The following GOLM2 variants were observed in gnomAD, a reference collection of about 807,000 sequenced individuals.
The protein encoded by GOLM2 is protein GOLM2.
GOLM2 carries 26 observed loss-of-function variants against 55.9 expected under a neutral mutation model. The ratio of observed to expected loss-of-function variants is 0.47; its 90% CI spans 0.34 to 0.65. GOLM2 has a LOEUF of 0.65. GOLM2 is among the 30% of genes least tolerant of loss of function. The probability of loss-of-function intolerance (pLI) is 0.01; values close to 1 mark genes in which losing one functional copy is unlikely to be tolerated. For missense variants in GOLM2, 486 were observed against 531.8 expected (o/e 0.91, Z 0.85); for synonymous variants, 165 against 194.6 (o/e 0.85, Z 1.27).
chr15:44,310,338 A>G (rs893266069), intron 1 of GOLM2, among the ~76,000 whole-genome samples: 37 of 151,912 alleles, frequency 2.4e-4, no homozygotes, highest in Non-Finnish European at 3.7e-4. Context: ...TCACAAGAGA[A>G]CCAACTAAAA....
intron 1 of GOLM2, among the ~76,000 whole-genome samples, chr15:44,298,130 A>C (rs888887618): frequency 6.6e-6 from 1 of 151,310 alleles, no homozygotes; most frequent in Non-Finnish European, 1.5e-5. Context: ...TGACCTCCCA[A>C]AGTGCTGGGA....
intron 6 of GOLM2, among the ~76,000 whole-genome samples, chr15:44,374,947 TC>T (rs1236690474): frequency 6.6e-6 from 1 of 152,310 alleles, no homozygotes. Context: ...TGTATATTTT[TC>T]CCCTGGCTCT....
At chr15:44,329,973 C>T (rs1471453650) in intron 3 of GOLM2, among the ~76,000 whole-genome samples, 16 of 147,720 alleles carry the variant, frequency 1.1e-4, no homozygotes, top group African/African-American at 3.2e-4. Flanking sequence ...TGCAGTGGCG[C>T]GATCTTGGCT....
At chr15:44,321,785 G>A (rs2078951603) in intron 1 of GOLM2, among the ~76,000 whole-genome samples, 1 of 152,252 alleles carries the variant, frequency 6.6e-6, no homozygotes, top group East Asian at 1.9e-4. Flanking sequence ...TGGCCATGGT[G>A]GTTCATGCAT....
At chr15:44,349,466 C>T (rs2079147254) in intron 6 of GOLM2, among the ~76,000 whole-genome samples, 1 of 151,972 alleles carries the variant, frequency 6.6e-6, no homozygotes, top group South Asian at 2.1e-4. Context: ...ATATATGCAC[C>T]CAGCATTGGA....
At chr15:44,292,865 A>G (rs2078730935) in intron 1 of GOLM2, among the ~76,000 whole-genome samples, 2 of 152,038 alleles carry the variant, frequency 1.3e-5, no homozygotes, top group Admixed American at 1.3e-4. Context: ...CCCAGGCTGG[A>G]GAGCAGTGGT....
At chr15:44,391,279 C>G (rs2141203219) in intron 8 of GOLM2, among the ~76,000 whole-genome samples, 1 of 152,124 alleles carries the variant, frequency 6.6e-6, no homozygotes, top group East Asian at 1.9e-4. Context: ...CTTTGGGAGG[C>G]TGAGGCGGGC....
At chr15:44,392,016 A>C (rs1201389565) in intron 8 of GOLM2, among the ~76,000 whole-genome samples, 1 of 151,708 alleles carries the variant, frequency 6.6e-6, no homozygotes, top group African/African-American at 2.4e-5. Flanking sequence ...ATGCCCTGCT[A>C]ATTTTGTATT....
intron 8 of GOLM2, among the ~76,000 whole-genome samples, chr15:44,393,906 T>G (rs1169543082): frequency 6.6e-6 from 1 of 152,156 alleles, no homozygotes; most frequent in East Asian, 1.9e-4. Flanking sequence ...TTGGCCAGGC[T>G]GGTCTCAAAC....
intron 6 of GOLM2, among the ~76,000 whole-genome samples, chr15:44,379,058 C>A (rs1338457953): frequency 6.6e-6 from 1 of 151,956 alleles, no homozygotes; most frequent in Non-Finnish European, 1.5e-5. Flanking sequence ...TTTATTAATT[C>A]ATCAAATCTT....
At chr15:44,290,276 G>A (rs939493618) in intron 1 of GOLM2, among the ~76,000 whole-genome samples, 3 of 152,166 alleles carry the variant, frequency 2.0e-5, no homozygotes, top group African/African-American at 7.2e-5. Flanking sequence ...GTATAGTAGA[G>A]TTATGAAAAT....
At chr15:44,301,555 G>T (rs1382751055) in intron 1 of GOLM2, among the ~76,000 whole-genome samples, 1 of 152,112 alleles carries the variant, frequency 6.6e-6, no homozygotes, top group Non-Finnish European at 1.5e-5. Flanking sequence ...TTGAGCAGGG[G>T]CTATGAGGGG....
chr15:44,344,780 A>ATTTTT (rs201124610), intron 6 of GOLM2, among the ~76,000 whole-genome samples: 1 of 141,250 alleles, frequency 7.1e-6, no homozygotes, highest in Non-Finnish European at 1.5e-5. Flanking sequence ...TATTTAATTA[A>ATTTTT]TTTTTTTTTT....
chr15:44,303,328 A>G (rs1020399611), intron 1 of GOLM2, among the ~76,000 whole-genome samples: 15 of 152,180 alleles, frequency 9.9e-5, no homozygotes, highest in African/African-American at 3.1e-4. Flanking sequence ...TCTGGAAGAC[A>G]TAACTAAAAT....
intron 4 of GOLM2, among the ~76,000 whole-genome samples, chr15:44,333,175 G>A (rs1222097135): frequency 2.0e-5 from 3 of 152,226 alleles, no homozygotes; most frequent in South Asian, 2.1e-4. Context: ...CTTGTGATCC[G>A]CCCACCTCGG....
chr15:44,316,844 G>C (rs928803766), intron 1 of GOLM2, among the ~76,000 whole-genome samples: 1 of 152,034 alleles, frequency 6.6e-6, no homozygotes, highest in African/African-American at 2.4e-5. Flanking sequence ...AATTTAGCCA[G>C]GAGTGGTCAT....
At position 44,379,712 on chromosome 15, in the gene GOLM2, A is replaced by G. The variant is rs2079389261; in HGVS notation, c.825A>G (p.Ser275=). Residue 275 remains serine, a synonymous_variant, in exon 7 of 10, where the codon TCA becomes TCG. Transcript: ENST00000299957. ...TAGCTTTAAGGAAGCCTCCTATTTC[A>G]GTTTCTCAACATGAAAGTCATCAAG... The part of the protein sequence containing the change: ...LPPALRKPPI[S]VSQHESHQAI... 5.6e-6 allele frequency: 9 copies of G among 1,600,354 alleles called. No homozygotes were observed. The East Asian group carries it at 1.8e-4, about 32-fold the overall frequency.
chr15:44,318,081 G>C (rs951646619), intron 1 of GOLM2, among the ~76,000 whole-genome samples: 1 of 152,210 alleles, frequency 6.6e-6, no homozygotes, highest in African/African-American at 2.4e-5. Flanking sequence ...CACAACCACT[G>C]TAGCTCAAAA....
intron 2 of GOLM2, among the ~76,000 whole-genome samples, chr15:44,328,281 AC>A (rs2078998115): frequency 6.6e-6 from 1 of 152,148 alleles, no homozygotes; most frequent in African/African-American, 2.4e-5. Context: ...CAAGTTTGAG[AC>A]CAGCCTGGGC....
Sources: gnomAD v4.1 joint callset for allele counts (sites outside exome capture counted in the v4.1 genomes callset) on GRCh38, gnomAD v4.1.1 for gene constraint, MANE v1.5 for transcripts, NCBI Gene and HGNC (gene_info 2026-07-23, HGNC 2026-07-21) for gene names.